ARIH1: variants seen among roughly 807,000 people sequenced by gnomAD.
ARIH1 encodes E3 ubiquitin-protein ligase ARIH1.
ARIH1 carries 8 observed loss-of-function variants against 85.0 expected under a neutral mutation model. That is an observed-to-expected ratio of 0.09 (90% CI 0.06 to 0.17). The LOEUF (loss-of-function observed/expected upper bound fraction) is 0.17. Ranked by LOEUF, ARIH1 falls within the 10% of genes least tolerant of loss-of-function variation. ARIH1 has a pLI of 1.00. For synonymous variants in ARIH1, 238 were observed against 253.6 expected (o/e 0.94, Z 0.59); for missense variants, 311 against 718.1 (o/e 0.43, Z 6.48).
chr15:72,478,733 A>G (rs1330321002), intron 1 of ARIH1, among the ~76,000 whole-genome samples: 1 of 152,114 alleles, frequency 6.6e-6, no homozygotes, highest in Non-Finnish European at 1.5e-5. Flanking sequence ...TAACCAAACC[A>G]CTGGAATAGT....
intron 1 of ARIH1, among the ~76,000 whole-genome samples, chr15:72,511,229 G>A (rs2063949345): frequency 6.6e-6 from 1 of 152,066 alleles, no homozygotes; most frequent in East Asian, 1.9e-4. Flanking sequence ...TGGTGCTATT[G>A]TAAGTGGCAC....
intron 1 of ARIH1, among the ~76,000 whole-genome samples, chr15:72,517,572 G>A (rs1476981690): frequency 6.6e-6 from 1 of 151,810 alleles, no homozygotes; most frequent in Non-Finnish European, 1.5e-5. Flanking sequence ...CTACAGGTGT[G>A]TACCACTACA....
intron 1 of ARIH1, among the ~76,000 whole-genome samples, chr15:72,486,694 C>CTTTTTTTTTTTTTTTTTTTTTTTT (rs34770375): frequency 1.1e-5 from 1 of 92,850 alleles, no homozygotes; most frequent in Non-Finnish European, 1.9e-5. Flanking sequence ...TTAAAAATGA[C>CTTTTTTTTTTTTTTTTTTTTTTTT]TTTTTTTTTT....
chr15:72,530,981 C>T (rs1337741500), intron 2 of ARIH1, among the ~76,000 whole-genome samples: 1 of 152,118 alleles, frequency 6.6e-6, no homozygotes, highest in African/African-American at 2.4e-5. Context: ...GAGAATTTTG[C>T]AGATTGGTAA....
In ARIH1 at chr15:72,587,666, C is replaced by T. The variant is rs2064323241; in HGVS notation, c.*4374C>T. ...CTTCAGAAACAGGAAGATAAGTGGG[C>T]CCCTCAGATTTTTCATATATCTTTG... On this transcript the variant is annotated 3_prime_UTR_variant, in exon 14 of 14. Coordinates refer to ENST00000379887, the MANE Select transcript of ARIH1 (RefSeq NM_005744.5). 6.5e-6 allele frequency: 1 copy of T among 154,008 alleles called. No individual in the cohort carries two copies. The highest frequency in any genetic ancestry group is 1.4e-5 in the Non-Finnish European group (1 of 69,426). The allele number at this position is 154,008 out of a possible 1,614,324, so 9.5% of individuals were successfully genotyped here.
chr15:72,484,753 G>A (rs189722025), intron 1 of ARIH1, among the ~76,000 whole-genome samples: 384 of 142,166 alleles, frequency 2.7e-3, no homozygotes, highest in Non-Finnish European at 4.4e-3. Flanking sequence ...ATATATGTGT[G>A]CATACATATA....
At position 72,474,694 on chromosome 15, in the gene ARIH1, G is replaced by A. The variant is rs1321793234; in HGVS notation, c.55G>A (p.Glu19Lys). The change falls in exon 1 of 14, where the codon GAG becomes AAG. Residue 19 changes from glutamate (E) to lysine (K), a missense_variant. Coordinates refer to ENST00000379887, the MANE Select transcript of ARIH1 (RefSeq NM_005744.5). ...GTTCGACGAGGACGAGGAGTGCAGT[G>A]AGGAGGACAGCGGCGCCGAGGAGGA... ...YEFDEDEECS[E>K]EDSGAEEEED... 1 of 1,572,456 alleles carries A rather than the reference G, an allele frequency of 6.4e-7. No individual in the cohort carries two copies. Among genetic ancestry groups the A allele is most frequent in the Non-Finnish European group, 8.6e-7 (1 of 1,161,514 alleles).
intron 1 of ARIH1, among the ~76,000 whole-genome samples, chr15:72,488,335 C>T (rs188894508): frequency 6.0e-4 from 92 of 152,268 alleles, no homozygotes; most frequent in Non-Finnish European, 1.2e-3. Context: ...CCTCAGCCTC[C>T]CAAAGTGTTG....
In ARIH1 at chr15:72,582,206, G is replaced by C. The variant is rs766997915; in HGVS notation, c.1589+19G>C. On this transcript the variant is annotated intron_variant, in intron 13 of 13. Transcript: ENST00000379887. This position sits in a 1 kb window ranked among gnomAD's most constrained non-coding sequence, Gnocchi z 4.6. ...AGTACAGGTAATTTTTTTTTAAGCT[G>C]TTGAATAAAACTTTCTGCCAGTGAT... 5.7e-6 allele frequency: 9 copies of C among 1,567,576 alleles called. No individual in the cohort carries two copies. Among genetic ancestry groups the C allele is most frequent in the Admixed American group, 3.5e-5 (2 of 57,480 alleles).
intron 1 of ARIH1, among the ~76,000 whole-genome samples, chr15:72,499,916 TC>T: frequency 6.6e-6 from 1 of 152,204 alleles, no homozygotes; most frequent in Admixed American, 6.5e-5. Flanking sequence ...AACACTTTTT[TC>T]CCCCCTGCAA....
chr15:72,479,135 G>A (rs555414651), intron 1 of ARIH1, among the ~76,000 whole-genome samples: 30 of 152,196 alleles, frequency 2.0e-4, no homozygotes, highest in Admixed American at 1.0e-3. Context: ...AACTTTTTGA[G>A]CACCGTTGTG....
chr15:72,482,167 A>G (rs2063819134), intron 1 of ARIH1, among the ~76,000 whole-genome samples: 1 of 152,194 alleles, frequency 6.6e-6, no homozygotes, highest in African/African-American at 2.4e-5. Flanking sequence ...TAAACTAGTG[A>G]CATCTGACAT....
At chr15:72,527,303 A>G (rs1323585150) in intron 2 of ARIH1, among the ~76,000 whole-genome samples, 1 of 152,196 alleles carries the variant, frequency 6.6e-6, no homozygotes, top group Non-Finnish European at 1.5e-5. Context: ...GATAACATCA[A>G]TATTGGGCAT....
At chr15:72,484,008 T>TA (rs2063826854) in intron 1 of ARIH1, among the ~76,000 whole-genome samples, 3 of 149,974 alleles carry the variant, frequency 2.0e-5, no homozygotes, top group Admixed American at 6.6e-5. Flanking sequence ...CCGTCTCTAC[T>TA]AAAAAAATAC....
intron 5 of ARIH1, among the ~76,000 whole-genome samples, chr15:72,560,301 A>G (rs747741537): frequency 6.6e-6 from 1 of 152,186 alleles, no homozygotes; most frequent in Non-Finnish European, 1.5e-5. Flanking sequence ...CTGAGAGGGT[A>G]TCTATATCCA....
At chr15:72,574,257 A>G (rs2064260424) in intron 11 of ARIH1, among the ~76,000 whole-genome samples, 1 of 152,186 alleles carries the variant, frequency 6.6e-6, no homozygotes, top group Non-Finnish European at 1.5e-5. Context: ...TCTGTTTCAC[A>G]TCTGTTGGAC....
At chr15:72,583,180 G>GTTTT in intron 13 of ARIH1, 28 bp from the exon 14 acceptor site, 9 of 1,292,314 alleles carry the variant, frequency 7.0e-6, no homozygotes, top group Middle Eastern at 2.0e-4. Context: ...CTGACAACAA[G>GTTTT]TTTTTTTTTT....
chr15:72,551,976 A>G (rs2064154708), intron 3 of ARIH1, among the ~76,000 whole-genome samples: 1 of 152,242 alleles, frequency 6.6e-6, no homozygotes, highest in African/African-American at 2.4e-5. Context: ...TGGATCATAT[A>G]CTACATTGTC....
At chr15:72,509,650 GC>G (rs1390684535) in intron 1 of ARIH1, among the ~76,000 whole-genome samples, 4 of 152,078 alleles carry the variant, frequency 2.6e-5, no homozygotes, top group Non-Finnish European at 5.9e-5. Context: ...ATGCAGTGAT[GC>G]GATCATAGGT....
Sources: allele counts gnomAD v4.1 joint callset (sites outside exome capture counted in the v4.1 genomes callset), GRCh38; gene constraint gnomAD v4.1.1; non-coding constraint Gnocchi (gnomAD v3.1); transcripts MANE v1.5; gene names NCBI Gene and HGNC (gene_info 2026-07-23, HGNC 2026-07-21).